The following UTP20 variants were observed in gnomAD, a reference collection of about 807,000 sequenced individuals.
UTP20 encodes the protein small subunit processome component 20 homolog.
A neutral mutation model predicts 329.5 loss-of-function variants in UTP20; 164 were observed. The ratio of observed to expected loss-of-function variants is 0.50; its 90% CI spans 0.44 to 0.57. The LOEUF (loss-of-function observed/expected upper bound fraction) is 0.57, where lower values mean the gene tolerates loss of function less well. Among genes scored for constraint, UTP20 ranks in the 20% least tolerant of loss-of-function variants. The pLI is 0.00. For synonymous variants in UTP20, 1,151 were observed against 1,159.3 expected, an observed-to-expected ratio of 0.99 and a Z score of 0.14; for missense variants, 3,055 against 3,284.2, an observed-to-expected ratio of 0.93 and a Z score of 1.71.
chr12:101,354,838 T>C lies in UTP20; in HGVS notation c.5114T>C (p.Ile1705Thr), dbSNP rs762406678. 1.9e-6 allele frequency: 3 copies of C among 1,612,740 alleles called. No individual in the cohort carries two copies. Among genetic ancestry groups the C allele is most frequent in the Non-Finnish European group, 2.5e-6 (3 of 1,179,352 alleles). ...TGTTGTTTATTAAACATAGACGCAA[T>C]TGAAGCAATTGAGTTACCAGAGCCT... ...MGKIENEENA[I>T]EAIELPEPEA... The change falls in exon 41 of 62, where the codon ATT (isoleucine) becomes ACT (threonine). Residue 1705 changes from isoleucine (I) to threonine (T), a missense_variant. By Grantham distance (89) the Ile-to-Thr change is moderately conservative. Coordinates refer to ENST00000261637, the MANE Select transcript of UTP20 (RefSeq NM_014503.3).
chr12:101,301,045 T>C (rs912179160), intron 14 of UTP20, among the ~76,000 whole-genome samples: 1 of 152,176 alleles, frequency 6.6e-6, no homozygotes, highest in Non-Finnish European at 1.5e-5. Context: ...TATACACACA[T>C]ACATATATAT....
In UTP20 at chr12:101,365,473, C is replaced by A. The variant is rs1233494200; in HGVS notation, c.5973C>A (p.Thr1991=). 3.1e-6 allele frequency: 5 copies of A among 1,604,010 alleles called. No homozygotes were observed. The African/African-American group carries it at 6.7e-5, about 22-fold the overall frequency. The change falls in exon 46 of 62, where the codon ACC becomes ACA. Residue 1991 remains threonine (T), a synonymous_variant. Transcript: ENST00000261637. ...ILPLKEILQN[T]TSLKLARKVH... ...TTTGCCTTTAGATCTTACAAAATAC[C>A]ACGAGTTTGAAACTGGCCCGGAAAG...
At chr12:101,293,387 A>C in intron 11 of UTP20, 142 bp downstream of exon 11, 7 of 698,364 alleles carry the variant, frequency 1.0e-5, no homozygotes, top group Non-Finnish European at 1.6e-5. Flanking sequence ...ATGTTTTTTA[A>C]AGAAATTATA....
At chr12:101,361,849 G>A (rs1565804683) in intron 43 of UTP20, 113 bp from the exon 44 acceptor site, 2 of 772,446 alleles carry the variant, frequency 2.6e-6, no homozygotes, top group East Asian at 2.6e-5. Context: ...GCTTCTCCTG[G>A]CAATAAAAGA....
chr12:101,383,197 G>A lies in UTP20; in HGVS notation c.7813G>A (p.Glu2605Lys). 5 of 1,614,158 alleles carry A rather than the reference G, an allele frequency of 3.1e-6. No homozygotes were observed. Among genetic ancestry groups the A allele is most frequent in the Non-Finnish European group, 4.2e-6 (5 of 1,180,018 alleles). The change falls in exon 59 of 62, where the codon GAG (glutamate) becomes AAG (lysine). Residue 2605 changes from glutamate to lysine, a missense_variant. By Grantham distance (56) the Glu-to-Lys change is moderately conservative. Around this residue, in one of 3 missense-constraint regions of UTP20, gnomAD observed 337 missense variants for 345.5 expected, o/e 0.98. Coordinates refer to ENST00000261637, the MANE Select transcript of UTP20 (RefSeq NM_014503.3). ...ADEKAESDGE[E>K]KEEVKEELGR... is the part of the protein sequence containing the mutation. The stretch of plus-strand genomic sequence containing the variant: ...TGAGAAGGCGGAGTCTGACGGAGAA[G>A]AGAAGGAAGAGGTGAAGGAAGAGCT...
chr12:101,358,663 C>A (rs1869806146), intron 43 of UTP20, among the ~76,000 whole-genome samples: 1 of 152,174 alleles, frequency 6.6e-6, no homozygotes, highest in African/African-American at 2.4e-5. Context: ...TTTAACAGTT[C>A]TTTCTTTTTA....
At chr12:101,297,194 T>G (rs1002352267) in intron 12 of UTP20, among the ~76,000 whole-genome samples, 10 of 152,192 alleles carry the variant, frequency 6.6e-5, no homozygotes, top group Middle Eastern at 3.4e-3. Context: ...AGGAACCTAT[T>G]TTCTTTTTTA....
intron 6 of UTP20, 81 bp from the exon 7 acceptor site, chr12:101,290,056 A>G (rs1010189438): frequency 1.7e-5 from 19 of 1,117,142 alleles, no homozygotes; most frequent in Admixed American, 5.7e-5. Flanking sequence ...ATAACAATAT[A>G]TAGAATAGCA....
chr12:101,322,636 G>C (rs1438563851), intron 25 of UTP20, among the ~76,000 whole-genome samples: 1 of 152,178 alleles, frequency 6.6e-6, no homozygotes, highest in African/African-American at 2.4e-5. Flanking sequence ...ATCAGATAGA[G>C]AAAGTCTTTT....
chr12:101,351,220 G>A (rs547363248), intron 38 of UTP20, among the ~76,000 whole-genome samples: 1 of 151,556 alleles, frequency 6.6e-6, no homozygotes, highest in Non-Finnish European at 1.5e-5. Context: ...TCCGCCTCCC[G>A]GGATCAAGTG....
chr12:101,371,881 G>A, intron 51 of UTP20, among the ~76,000 whole-genome samples: 1 of 152,144 alleles, frequency 6.6e-6, no homozygotes, highest in East Asian at 1.9e-4. Context: ...TTAGGGAGAG[G>A]AGTGACAGGA....
At chr12:101,344,524 C>T in intron 35 of UTP20, 71 bp from the exon 36 acceptor site, 1 of 780,114 alleles carries the variant, frequency 1.3e-6, no homozygotes. Context: ...TAGATGCTTG[C>T]ACTGGGAAGT....
chr12:101,351,969 T>TA lies in UTP20; in HGVS notation c.4885-85dup, dbSNP rs1175646210. 5 of 1,495,030 alleles carry TA rather than the reference T, an allele frequency of 3.3e-6. No homozygotes were observed. The East Asian group carries it at 1.1e-4, about 34-fold the overall frequency. 92.6% of individuals were successfully genotyped at this position (1,495,030 alleles called of 1,614,324 possible). ...TTCTCTTCTGTAATTACTGAGAACT[T>TA]ACTAACTTTTTCAATATACTGAGTT... On this transcript the variant is annotated intron_variant, in intron 38 of 61. Coordinates refer to ENST00000261637, the MANE Select transcript of UTP20 (RefSeq NM_014503.3).
chr12:101,280,473 A>G (rs1166890188), intron 1 of UTP20, 146 bp downstream of exon 1: 10 of 1,017,120 alleles, frequency 9.8e-6, no homozygotes, highest in South Asian at 1.6e-5. Context: ...GAGACACTGG[A>G]TGTAGTAAAC....
intron 25 of UTP20, among the ~76,000 whole-genome samples, chr12:101,322,336 T>A (rs1002245193): frequency 6.6e-6 from 1 of 152,146 alleles, no homozygotes; most frequent in Admixed American, 6.5e-5. Flanking sequence ...GACAATAATA[T>A]AATTAAATTT....
chr12:101,337,927 C>T (rs12367716), intron 29 of UTP20, 124 bp from the exon 30 acceptor site: 67,474 of 859,088 alleles, frequency 0.079, 3,476 homozygotes, highest in Non-Finnish European at 0.09. Flanking sequence ...TAAACTAATT[C>T]CCCTTTGAAT....
chr12:101,281,146 GTTAATA>G lies in UTP20; in HGVS notation c.79_84del (p.Asn27_Ile28del). 1 of 1,613,230 alleles carries G rather than the reference GTTAATA, an allele frequency of 6.2e-7. No homozygotes were observed. On this transcript the variant is annotated inframe_deletion, in exon 2 of 62. Transcript: ENST00000261637. ...TACATTTGCTGAACGACTGGGGAAT[GTTAATA>G]TTGATATTATTCACCGGATTGATAG...
intron 38 of UTP20, among the ~76,000 whole-genome samples, chr12:101,350,922 G>A (rs959646898): frequency 6.6e-6 from 1 of 152,114 alleles, no homozygotes; most frequent in Non-Finnish European, 1.5e-5. Context: ...GTGGACTCTA[G>A]CTACCGTAGC....
intron 12 of UTP20, among the ~76,000 whole-genome samples, chr12:101,296,900 T>C (rs10778110): frequency 0.87 from 131,722 of 152,244 alleles, 57,383 homozygotes; most frequent in African/African-American, 0.97. Context: ...TGAGAAGATT[T>C]ATTGTATCAT....
Sources: gnomAD v4.1 joint callset for allele counts (sites outside exome capture counted in the v4.1 genomes callset) on GRCh38, gnomAD v4.1.1 for gene constraint, gnomAD v4.1.1 regional missense constraint, MANE v1.5 for transcripts, NCBI Gene and HGNC (gene_info 2026-07-23, HGNC 2026-07-21) for gene names.